The following DYNLT5 variants were observed in gnomAD, a reference collection of about 807,000 sequenced individuals.
The protein encoded by DYNLT5 is dynein light chain Tctex-type family member 5.
In DYNLT5, 25 loss-of-function variants were observed where a neutral mutation model predicts 19.3. The observed-to-expected ratio is 1.30, with a 90% CI of 0.95 to 1.81. The LOEUF is 1.81. Ranked by LOEUF, DYNLT5 falls within the 40% of genes most tolerant of loss-of-function variation. The probability of loss-of-function intolerance (pLI) is 0.00; values close to 1 mark genes in which losing one functional copy is unlikely to be tolerated. For synonymous variants in DYNLT5, 82 were observed against 68.9 expected (o/e 1.19, Z -0.94); for missense variants, 232 against 217.9 (o/e 1.06, Z -0.41).
In DYNLT5 at chr1:66,777,263, C is replaced by T; in HGVS notation, c.349C>T (p.Gln117Ter). The change falls in exon 5 of 5, where the codon CAG becomes TAG. Residue 117 changes from glutamine to a stop codon, truncating the protein, a stop_gained. Transcript: ENST00000282670. LOFTEE classifies it high-confidence loss of function. The part of the protein sequence containing the change: ...TKTISEVIKA[Q>*]VKDLMIPRYK... ...TTTAAATTTCTAGGTTATTAAAGCC[C>T]AGGTCAAGGACTTGATGATTCCACG... 1 of 1,606,784 alleles carries T rather than the reference C, an allele frequency of 6.2e-7. No individual in the cohort carries two copies. Among genetic ancestry groups the T allele is most frequent in the Non-Finnish European group, 8.5e-7 (1 of 1,174,550 alleles).
intron 2 of DYNLT5, among the ~76,000 whole-genome samples, chr1:66,765,230 A>G (rs2094652677): frequency 6.6e-6 from 1 of 152,204 alleles, no homozygotes; most frequent in Non-Finnish European, 1.5e-5. Context: ...CCTCCGAAGA[A>G]GACACACTTA....
At chr1:66,764,381 G>C (rs1315631734) in intron 2 of DYNLT5, among the ~76,000 whole-genome samples, 1 of 152,154 alleles carries the variant, frequency 6.6e-6, no homozygotes, top group East Asian at 1.9e-4. Flanking sequence ...AACACTTAGA[G>C]ACCACTGTAG....
intron 3 of DYNLT5, among the ~76,000 whole-genome samples, chr1:66,772,524 G>A (rs1267974663): frequency 6.6e-6 from 1 of 152,210 alleles, no homozygotes; most frequent in Non-Finnish European, 1.5e-5. Context: ...AGATTTGAAG[G>A]GGACAAATAT....
At chr1:66,761,482 T>C (rs1003002616) in intron 2 of DYNLT5, among the ~76,000 whole-genome samples, 1 of 152,164 alleles carries the variant, frequency 6.6e-6, no homozygotes, top group Admixed American at 6.5e-5. Flanking sequence ...GCTGTGGCAA[T>C]ATCATAAAAT....
chr1:66,776,608 C>G (rs954610308), intron 4 of DYNLT5, among the ~76,000 whole-genome samples: 11 of 151,750 alleles, frequency 7.2e-5, no homozygotes, highest in African/African-American at 2.7e-4. Context: ...CTAAAACAAT[C>G]ATGAGCATCA....
chr1:66,756,489 G>A (rs1253372650), intron 2 of DYNLT5, among the ~76,000 whole-genome samples: 1 of 152,146 alleles, frequency 6.6e-6, no homozygotes, highest in African/African-American at 2.4e-5. Flanking sequence ...TGAAATTGCA[G>A]TGTTTTATGG....
At position 66,762,080 on chromosome 1, in the gene DYNLT5, A is replaced by G. The variant is rs892023525; in HGVS notation, c.119+7303A>G. Among the ~76,000 whole-genome samples the G allele has an allele frequency of 2.0e-5, 3 of 151,982 alleles. No individual in the cohort carries two copies. In the East Asian group the frequency reaches 5.8e-4, roughly 29 times the overall value. ...TTTCTTTGCTCATTTGTAAGAAGCA[A>G]CTCCTCATCTGTTTAAGTTTACCAT... is the stretch of plus-strand genomic sequence containing the variant. On this transcript the variant is annotated intron_variant, in intron 2 of 4. Coordinates refer to ENST00000282670, the MANE Select transcript of DYNLT5 (RefSeq NM_152665.3).
chr1:66,759,740 G>A (rs1171285918), intron 2 of DYNLT5, among the ~76,000 whole-genome samples: 2 of 152,206 alleles, frequency 1.3e-5, no homozygotes, highest in Non-Finnish European at 2.9e-5. Context: ...TGTTGGCAAG[G>A]CATGTGAGAG....
rs7524784 is a variant in DYNLT5, at chr1:66,778,560, A to T, written c.*1106A>T. 43,901 of 152,540 alleles carry T rather than the reference A, an allele frequency of 0.29. 6,627 individuals carry two copies. The highest frequency in any genetic ancestry group is 0.32 in the Non-Finnish European group (22,008 of 67,976). The allele number at this position is 152,540 out of a possible 1,614,324, so 9.4% of individuals were successfully genotyped here. ...AGGACATTTGTTAAAGGTCAAAGAC[A>T]AATTGTACACATATGGAGAAAATTA... On this transcript the variant is annotated 3_prime_UTR_variant, in exon 5 of 5. Coordinates refer to ENST00000282670, the MANE Select transcript of DYNLT5 (RefSeq NM_152665.3).
At chr1:66,767,280 A>C (rs983784586) in intron 2 of DYNLT5, among the ~76,000 whole-genome samples, 1 of 152,098 alleles carries the variant, frequency 6.6e-6, no homozygotes, top group Non-Finnish European at 1.5e-5. Context: ...TTTGAGACAG[A>C]GTCTTGCTCT....
Position 66,777,335 on chromosome 1 carries a change from A to G in DYNLT5, c.421A>G (p.Ser141Gly). ...IVHIGQLNRQ[S>G]ILIGSRCLWD... The stretch of plus-strand genomic sequence containing the variant: ...TCACATTGGACAACTGAACAGGCAG[A>G]GCATACTTATTGGAAGCAGATGCCT... Residue 141 changes from serine to glycine, a missense_variant, in exon 5 of 5, where the codon AGC becomes GGC. Transcript: ENST00000282670. 1 of 1,614,018 alleles carries G rather than the reference A, an allele frequency of 6.2e-7. No individual in the cohort carries two copies. Among genetic ancestry groups the G allele is most frequent in the Non-Finnish European group, 8.5e-7 (1 of 1,179,938 alleles).
At chr1:66,776,458 A>G (rs1645235638) in intron 4 of DYNLT5, 55 bp downstream of exon 4, 1 of 1,539,084 alleles carries the variant, frequency 6.5e-7, no homozygotes, top group Non-Finnish European at 8.8e-7. Flanking sequence ...TTGCTAAAGT[A>G]CAACGGACCC....
intron 3 of DYNLT5, among the ~76,000 whole-genome samples, chr1:66,773,021 T>G (rs1645212573): frequency 6.6e-6 from 1 of 152,144 alleles, no homozygotes. Flanking sequence ...TGTTATATGT[T>G]TAAATCTCTC....
chr1:66,752,690 G>A (rs2094627993), intron 1 of DYNLT5, 106 bp downstream of exon 1: 1 of 681,040 alleles, frequency 1.5e-6, no homozygotes, highest in Non-Finnish European at 1.8e-6. Flanking sequence ...CGATCTCTCC[G>A]CCACCTTATT....
At position 66,769,520 on chromosome 1, in the gene DYNLT5, A is replaced by AACAC. The variant is rs71590352; in HGVS notation, c.120-855_120-852dup. On this transcript the variant is annotated intron_variant, in intron 2 of 4. Transcript: ENST00000282670. Reference sequence around the variant, plus strand: ...CCTGCTTAGAAAAGTGGTCACTCTGAACACACACACACACAAACACACACC... The same window carrying AACAC: ...CCTGCTTAGAAAAGTGGTCACTCTGAACACACACACACACACACAAACACACACC... Among the ~76,000 whole-genome samples, 719 of 151,428 alleles carry AACAC rather than the reference A, an allele frequency of 4.7e-3. 1 individual carries two copies. Among genetic ancestry groups the AACAC allele is most frequent in the African/African-American group, 0.016 (672 of 41,290 alleles).
At chr1:66,760,643 T>A (rs1388027760) in intron 2 of DYNLT5, among the ~76,000 whole-genome samples, 1 of 152,216 alleles carries the variant, frequency 6.6e-6, no homozygotes, top group Non-Finnish European at 1.5e-5. Context: ...GTGTTGGAAA[T>A]CTGTTGTAAT....
intron 2 of DYNLT5, among the ~76,000 whole-genome samples, chr1:66,763,938 C>T (rs1182297985): frequency 6.6e-6 from 1 of 152,156 alleles, no homozygotes; most frequent in African/African-American, 2.4e-5. Flanking sequence ...GTAATCCTAG[C>T]ACTTTGGAGG....
intron 2 of DYNLT5, among the ~76,000 whole-genome samples, chr1:66,759,355 A>G (rs1039293695): frequency 1.3e-5 from 2 of 152,164 alleles, no homozygotes; most frequent in African/African-American, 4.8e-5. Context: ...ATGTTCTAGG[A>G]GTAAGGAAAG....
At chr1:66,769,757 C>T (rs1420166884) in intron 2 of DYNLT5, among the ~76,000 whole-genome samples, 3 of 152,098 alleles carry the variant, frequency 2.0e-5, no homozygotes, top group African/African-American at 7.2e-5. Context: ...CCAGGATAAG[C>T]TCATATTGCC....
Sources: gnomAD v4.1 joint callset for allele counts (sites outside exome capture counted in the v4.1 genomes callset) on GRCh38, gnomAD v4.1.1 for gene constraint, MANE v1.5 for transcripts, NCBI Gene and HGNC (gene_info 2026-07-23, HGNC 2026-07-21) for gene names.